TRIM37: variants seen among roughly 807,000 people sequenced by gnomAD.
The protein encoded by TRIM37 is tripartite motif containing 37, also known as E3 ubiquitin-protein ligase TRIM37.
A neutral mutation model predicts 129.8 loss-of-function variants in TRIM37; 80 were observed. The observed-to-expected ratio is 0.62, with a 90% CI of 0.51 to 0.74. TRIM37 has a LOEUF of 0.74. Ranked by LOEUF, TRIM37 falls within the 30% of genes least tolerant of loss-of-function variation. TRIM37 has a pLI of 0.00. For synonymous variants in TRIM37, 389 were observed against 387.1 expected (o/e 1.00, Z -0.06); for missense variants, 1,054 against 1,176.5 (o/e 0.90, Z 1.52).
intron 2 of TRIM37, among the ~76,000 whole-genome samples, chr17:59,103,939 A>T (rs977124130): frequency 6.6e-6 from 1 of 152,102 alleles, no homozygotes; most frequent in African/African-American, 2.4e-5. Context: ...AAGCCACTAG[A>T]TTATATTCAT....
chr17:59,015,697 C>T lies in TRIM37; in HGVS notation c.2489G>A (p.Cys830Tyr), dbSNP rs1373498166. ...DILPKTEDRQ[C>Y]KALDSDAVVV... ...AACAGCATCTGAATCCAAAGCTTTACACTGCCGGTCTTCAGTTTTTGGCAG... is the reference window on the plus strand; with the variant it reads ...AACAGCATCTGAATCCAAAGCTTTATACTGCCGGTCTTCAGTTTTTGGCAG... Residue 830 changes from cysteine (C) to tyrosine (Y), a missense_variant, in exon 21 of 24, where the codon TGT (cysteine) becomes TAT (tyrosine). By Grantham distance (194) the Cys-to-Tyr change is radical. Transcript: ENST00000262294. 1 of 1,614,184 alleles carries T rather than the reference C, an allele frequency of 6.2e-7. No homozygotes were observed. Among genetic ancestry groups the T allele is most frequent in the Non-Finnish European group, 8.5e-7 (1 of 1,180,032 alleles).
chr17:59,084,429 T>C (rs2043575323), intron 4 of TRIM37, among the ~76,000 whole-genome samples: 1 of 152,208 alleles, frequency 6.6e-6, no homozygotes, highest in Admixed American at 6.5e-5. Flanking sequence ...ATAATCATAT[T>C]GATTATGCAT....
At chr17:59,053,559 T>G (rs1318443897) in intron 13 of TRIM37, among the ~76,000 whole-genome samples, 3 of 152,216 alleles carry the variant, frequency 2.0e-5, no homozygotes, top group African/African-American at 7.2e-5. Context: ...AGACTCAATG[T>G]TGCTTAAAAA....
intron 17 of TRIM37, among the ~76,000 whole-genome samples, chr17:59,040,150 C>A (rs1342219546): frequency 6.6e-6 from 1 of 152,034 alleles, no homozygotes; most frequent in African/African-American, 2.4e-5. Context: ...AAGCGATGCA[C>A]CCACATCAGC....
intron 2 of TRIM37, among the ~76,000 whole-genome samples, chr17:59,094,070 T>C (rs1159492059): frequency 6.6e-6 from 1 of 152,118 alleles, no homozygotes; most frequent in Non-Finnish European, 1.5e-5. Flanking sequence ...GGTTTTCGTA[T>C]TTTTATTAGA....
chr17:59,096,576 AC>A (rs1671159627), intron 2 of TRIM37, among the ~76,000 whole-genome samples: 1 of 148,610 alleles, frequency 6.7e-6, no homozygotes, highest in Non-Finnish European at 1.5e-5. Flanking sequence ...AAAAAAAAAA[AC>A]CAACTTTGTA....
downstream of TRIM37, chr17:58,980,568 T>G (rs1010509355): frequency 6.2e-7 from 1 of 1,613,904 alleles, no homozygotes; most frequent in Non-Finnish European, 8.5e-7. The surrounding 1 kb of genome is among the most constrained non-coding windows in gnomAD (Gnocchi z 4.7). Context: ...AAAGCAAATC[T>G]TATTAATGAG....
At chr17:58,967,831 C>T in the TRIM37 span, among the ~76,000 whole-genome samples, 18 of 148,718 alleles carry the variant, frequency 1.2e-4, no homozygotes, top group African/African-American at 4.2e-4. Flanking sequence ...AACGGAGTCT[C>T]GCTCGCTCTG....
At chr17:59,012,213 C>T (rs1402859162) in intron 22 of TRIM37, 115 bp downstream of exon 22, 12 of 727,790 alleles carry the variant, frequency 1.6e-5, no homozygotes, top group Non-Finnish European at 2.7e-5. Flanking sequence ...CTATCACTAC[C>T]ACCAGCAGCA....
chr17:59,023,495 A>AC (rs929063460), intron 19 of TRIM37, among the ~76,000 whole-genome samples: 1 of 152,028 alleles, frequency 6.6e-6, no homozygotes, highest in African/African-American at 2.4e-5. Context: ...CTACTAAAAA[A>AC]TACAAAAAAA....
chr17:59,031,754 A>G, intron 18 of TRIM37, 142 bp downstream of exon 18: 1 of 866,514 alleles, frequency 1.2e-6, no homozygotes, highest in Non-Finnish European at 1.8e-6. Context: ...TTTGGTTGAC[A>G]TAAATGTCAT....
downstream of TRIM37, chr17:58,980,980 G>A (rs1236195804): frequency 1.9e-6 from 3 of 1,613,892 alleles, no homozygotes; most frequent in East Asian, 2.2e-5. This position sits in a 1 kb window ranked among gnomAD's most constrained non-coding sequence, Gnocchi z 4.7. Flanking sequence ...AGCTCAGAAA[G>A]ACTCATGATA....
intron 13 of TRIM37, among the ~76,000 whole-genome samples, chr17:59,055,920 CTAAAA>C (rs1395133567): frequency 2.0e-5 from 3 of 152,000 alleles, no homozygotes; most frequent in Admixed American, 6.6e-5. Flanking sequence ...ACCCCTGAAC[CTAAAA>C]TAAAAGTTTA....
At chr17:58,989,862 C>A (rs2032187278) in intron 24 of TRIM37, among the ~76,000 whole-genome samples, 1 of 151,972 alleles carries the variant, frequency 6.6e-6, no homozygotes, top group African/African-American at 2.4e-5. Flanking sequence ...TAATGACAGA[C>A]ACAAAACCAC....
chr17:59,081,725 C>T (rs1258077042), intron 5 of TRIM37, among the ~76,000 whole-genome samples: 3 of 151,402 alleles, frequency 2.0e-5, no homozygotes, highest in African/African-American at 7.3e-5. Flanking sequence ...CTGGCCAACA[C>T]GGCAAAAACA....
chr17:59,042,449 AATAT>A (rs71145518), intron 16 of TRIM37, among the ~76,000 whole-genome samples: 15 of 36,036 alleles, frequency 4.2e-4, no homozygotes, highest in African/African-American at 1.7e-3. Flanking sequence ...AAAAAAAAAA[AATAT>A]ATATATATAT....
chr17:59,079,707 A>G (rs2043102836), intron 7 of TRIM37, 47 bp downstream of exon 7: 1 of 1,612,170 alleles, frequency 6.2e-7, no homozygotes, highest in Non-Finnish European at 8.5e-7. Flanking sequence ...TGAATCTCAA[A>G]GAAGCTGAAA....
intron 17 of TRIM37, among the ~76,000 whole-genome samples, chr17:59,037,557 CAAAAAAAAAAAAAAAAAAAAAA>C (rs58856834): frequency 1.4e-5 from 1 of 73,992 alleles, no homozygotes; most frequent in Non-Finnish European, 2.6e-5. Context: ...GACTCTGTCT[CAAAAAAAAAAAAAAAAAAAAAA>C]AAAAAAAAAA....
At chr17:58,971,280 T>C in the TRIM37 span, among the ~76,000 whole-genome samples, 1 of 152,108 alleles carries the variant, frequency 6.6e-6, no homozygotes, top group Non-Finnish European at 1.5e-5. Context: ...TATAACAAAC[T>C]TTCCCTATAT....
Sources: gnomAD v4.1 joint callset for allele counts (sites outside exome capture counted in the v4.1 genomes callset) on GRCh38, gnomAD v4.1.1 for gene constraint, Gnocchi (gnomAD v3.1) non-coding constraint, MANE v1.5 for transcripts, NCBI Gene and HGNC (gene_info 2026-07-23, HGNC 2026-07-21) for gene names.